The following SORBS2 variants were observed in gnomAD, a reference collection of about 807,000 sequenced individuals.
The protein encoded by SORBS2 is sorbin and SH3 domain containing 2.
SORBS2 carries 46 observed loss-of-function variants against 97.7 expected under a neutral mutation model. The observed-to-expected ratio is 0.47, with a 90% confidence interval of 0.37 to 0.60. The LOEUF is 0.60. SORBS2 is among the 20% of genes least tolerant of loss of function. The pLI is 0.00. For synonymous variants in SORBS2, 476 were observed against 473.4 expected (o/e 1.01, Z -0.07); for missense variants, 1,316 against 1,282.3 (o/e 1.03, Z -0.40).
intron 1 of SORBS2, among the ~76,000 whole-genome samples, chr4:185,902,707 AAAAG>A (rs1372242844): frequency 6.6e-6 from 1 of 151,856 alleles, no homozygotes; most frequent in African/African-American, 2.4e-5. Context: ...AAAAAAAAGA[AAAAG>A]AAAGGAGCAA....
At chr4:185,753,795 A>G (rs898699610) in intron 2 of SORBS2, among the ~76,000 whole-genome samples, 3 of 152,198 alleles carry the variant, frequency 2.0e-5, no homozygotes, top group African/African-American at 7.2e-5. Flanking sequence ...TGAGTTTCTA[A>G]CATTATTCAC....
intron 2 of SORBS2, among the ~76,000 whole-genome samples, chr4:185,745,648 G>T (rs2098755188): frequency 1.3e-5 from 2 of 152,148 alleles, no homozygotes; most frequent in Non-Finnish European, 2.9e-5. Flanking sequence ...TTAATACTTG[G>T]AGAGAATTTA....
chr4:185,857,846 T>A (rs1270245911), intron 1 of SORBS2, among the ~76,000 whole-genome samples: 1 of 152,200 alleles, frequency 6.6e-6, no homozygotes, highest in Non-Finnish European at 1.5e-5. Flanking sequence ...AGACCAGTTG[T>A]CTGCTCTCAA....
At chr4:185,648,921 A>T (rs1387195963) in intron 3 of SORBS2, among the ~76,000 whole-genome samples, 1 of 152,246 alleles carries the variant, frequency 6.6e-6, no homozygotes, top group Admixed American at 6.5e-5. Context: ...CCCAGTAAAA[A>T]TAACACAATA....
rs144681962 is a variant in SORBS2 at position 185,828,904 on chromosome 4, C to T, written c.-337-53538G>A. Among the ~76,000 whole-genome samples the T allele has an allele frequency of 1.4e-4, 22 of 152,310 alleles. No homozygotes were observed. The East Asian group carries it at 3.9e-3, about 27-fold the overall frequency. On this transcript the variant is annotated intron_variant, in intron 1 of 20. Transcript: ENST00000284776. ...GCATCCTGTTCTTTTCCAGAGACTT[C>T]TCCAAGTGTGGCTGGAATCTGCCTT...
chr4:185,823,860 G>A (rs1055588355), intron 1 of SORBS2, among the ~76,000 whole-genome samples: 5 of 152,096 alleles, frequency 3.3e-5, no homozygotes, highest in Non-Finnish European at 7.3e-5. Context: ...GTTTGTCTGC[G>A]GTTCGATAAA....
chr4:185,630,651 G>A, intron 4 of SORBS2, 53 bp from the exon 17 acceptor site: 1 of 1,065,590 alleles, frequency 9.4e-7, no homozygotes, highest in Non-Finnish European at 1.4e-6. Flanking sequence ...GCAAAATTTT[G>A]TTCACTTGTC....
chr4:185,605,470 A>G (rs2096389819), intron 12 of SORBS2, among the ~76,000 whole-genome samples: 1 of 151,084 alleles, frequency 6.6e-6, no homozygotes, highest in African/African-American at 2.4e-5. Flanking sequence ...TTTAGTGGAG[A>G]TGGGGGTTTT....
chr4:185,599,915 G>A (rs941322477), intron 12 of SORBS2, among the ~76,000 whole-genome samples: 3 of 152,136 alleles, frequency 2.0e-5, no homozygotes, highest in Admixed American at 6.5e-5. Context: ...TGGCCAGGAT[G>A]CCTGCCACAA....
intron 5 of SORBS2, among the ~76,000 whole-genome samples, chr4:185,627,866 C>A (rs1174773738): frequency 7.2e-6 from 1 of 138,056 alleles, no homozygotes; most frequent in Non-Finnish European, 1.6e-5. Context: ...TCCTGGCACC[C>A]ACTGATCTTT....
At chr4:185,742,365 A>T (rs2098732693) in intron 2 of SORBS2, among the ~76,000 whole-genome samples, 1 of 152,182 alleles carries the variant, frequency 6.6e-6, no homozygotes, top group Admixed American at 6.5e-5. Flanking sequence ...TGGCCACTTA[A>T]CCTTGCATAT....
intron 2 of SORBS2, among the ~76,000 whole-genome samples, chr4:185,763,498 A>G (rs2098916423): frequency 6.6e-6 from 1 of 152,214 alleles, no homozygotes; most frequent in African/African-American, 2.4e-5. Context: ...TAAGTGGTCA[A>G]TACAAACTGC....
At chr4:185,590,447 T>G (rs765081801) in intron 13 of SORBS2, among the ~76,000 whole-genome samples, 4 of 152,232 alleles carry the variant, frequency 2.6e-5, no homozygotes, top group Non-Finnish European at 5.9e-5. Context: ...TTTGATGTAA[T>G]TAGCCTATGA....
intron 1 of SORBS2, among the ~76,000 whole-genome samples, chr4:185,947,247 G>A (rs2099274968): frequency 6.6e-6 from 1 of 152,144 alleles, no homozygotes; most frequent in South Asian, 2.1e-4. Context: ...GCACTCTTAT[G>A]GGATCTGTAC....
chr4:185,673,664 G>C (rs117663252), intron 4 of SORBS2, among the ~76,000 whole-genome samples: 1 of 152,230 alleles, frequency 6.6e-6, no homozygotes, highest in East Asian at 1.9e-4. Context: ...CTGTTTTATA[G>C]ATGAGAAAAC....
intron 1 of SORBS2, among the ~76,000 whole-genome samples, chr4:185,845,780 G>A (rs2099214200): frequency 6.6e-6 from 1 of 152,170 alleles, no homozygotes; most frequent in Non-Finnish European, 1.5e-5. Context: ...TAACCAAAGA[G>A]GAGATGCAGA....
At chr4:185,868,147 C>CTTTTTTCTTT (rs1554043746) in intron 1 of SORBS2, among the ~76,000 whole-genome samples, 29 of 89,788 alleles carry the variant, frequency 3.2e-4, no homozygotes, top group Non-Finnish European at 5.3e-4. Flanking sequence ...CTTTTCTTTT[C>CTTTTTTCTTT]TTTTTTTCTT....
chr4:185,650,653 G>A (rs1315280250), intron 2 of SORBS2, among the ~76,000 whole-genome samples: 1 of 152,174 alleles, frequency 6.6e-6, no homozygotes, highest in Admixed American at 6.5e-5. Context: ...CGCTTCTCCT[G>A]AAAGTCCATG....
chr4:185,785,410 G>A (rs2099051628), intron 1 of SORBS2, among the ~76,000 whole-genome samples: 1 of 152,198 alleles, frequency 6.6e-6, no homozygotes, highest in African/African-American at 2.4e-5. Flanking sequence ...TTCTGATTAA[G>A]TATCATGAAT....
Sources: gnomAD v4.1 joint callset for allele counts (sites outside exome capture counted in the v4.1 genomes callset) on GRCh38, gnomAD v4.1.1 for gene constraint, MANE v1.5 for transcripts, NCBI Gene and HGNC (gene_info 2026-07-23, HGNC 2026-07-21) for gene names.